The following CCDC13 variants were observed in gnomAD, a reference collection of about 807,000 sequenced individuals.
CCDC13 encodes the protein coiled-coil domain containing 13, also known as coiled-coil domain-containing protein 13.
CCDC13 carries 70 observed loss-of-function variants against 87.3 expected under a neutral mutation model. The observed-to-expected ratio is 0.80, with a 90% CI of 0.66 to 0.98. The LOEUF is 0.98. Ranked by LOEUF, CCDC13 falls within the 50% of genes least tolerant of loss-of-function variation. CCDC13 has a pLI of 0.00. For synonymous variants in CCDC13, 317 were observed against 360.3 expected, an observed-to-expected ratio of 0.88 and a Z score of 1.36; for missense variants, 842 against 892.0, an observed-to-expected ratio of 0.94 and a Z score of 0.71.
At chr3:42,754,988 T>A (rs1447851255) in intron 3 of CCDC13, among the ~76,000 whole-genome samples, 3 of 152,128 alleles carry the variant, frequency 2.0e-5, no homozygotes, top group Admixed American at 6.5e-5. Flanking sequence ...TTCTTTAAAA[T>A]ACATATAATA....
At chr3:42,713,534 A>G (rs1249350773) in intron 13 of CCDC13, among the ~76,000 whole-genome samples, 1 of 152,194 alleles carries the variant, frequency 6.6e-6, no homozygotes, top group Non-Finnish European at 1.5e-5. Context: ...CAGCCCCATC[A>G]TTCCCAATTC....
chr3:42,708,954 G>A lies in CCDC13; in HGVS notation c.*26C>T, dbSNP rs2240860. ...TCTCAAGACCTGAGGCTGCCCACCC[G>A]GCCAGGCCGACACTGGGCTGTCATC... On this transcript the variant is annotated 3_prime_UTR_variant, in exon 16 of 16. Transcript: ENST00000310232. 0.2 allele frequency: 316,196 copies of A among 1,594,660 alleles called. 32,885 individuals carry two copies. The highest frequency in any genetic ancestry group is 0.31 in the East Asian group (13,986 of 44,470).
intron 1 of CCDC13, among the ~76,000 whole-genome samples, chr3:42,759,611 T>C (rs780207660): frequency 6.6e-5 from 10 of 152,224 alleles, no homozygotes; most frequent in East Asian, 3.9e-4. Flanking sequence ...ATCAATGTCA[T>C]TGCACACATT....
At chr3:42,721,898 G>A (rs1261647685) in intron 13 of CCDC13, among the ~76,000 whole-genome samples, 1 of 152,170 alleles carries the variant, frequency 6.6e-6, no homozygotes, top group Non-Finnish European at 1.5e-5. Context: ...AAACACGAGG[G>A]ATGGGTCATG....
Position 42,735,694 on chromosome 3 carries a change from G to A in CCDC13, c.1371+13C>T, listed in dbSNP as rs749388057. The A allele has an allele frequency of 6.2e-7, 1 of 1,612,590 alleles. No homozygotes were observed. Among genetic ancestry groups the A allele is most frequent in the South Asian group, 1.1e-5 (1 of 91,060 alleles). ...TTGAAAATGGGTTTGGGCGCTGCCA[G>A]TGCCCTACTCACGTGCACATTGAGT... On this transcript the variant is annotated intron_variant, in intron 10 of 15. Transcript: ENST00000310232.
chr3:42,758,248 T>G lies in CCDC13; in HGVS notation c.98A>C (p.Lys33Thr), dbSNP rs1288101405. 1 of 1,613,898 alleles carries G rather than the reference T, an allele frequency of 6.2e-7. No individual in the cohort carries two copies. The highest frequency in any genetic ancestry group is 1.1e-5 in the South Asian group (1 of 91,074). Residue 33 changes from lysine (K) to threonine (T), a missense_variant, in exon 2 of 16, where the codon AAG (lysine) becomes ACG (threonine). Lys to Thr is a moderately conservative substitution (Grantham distance 78). Transcript: ENST00000310232. Reference protein sequence around the residue: ...HKRLQKQMEKKREKELSLKSR... With the variant: ...HKRLQKQMEKTREKELSLKSR... The stretch of plus-strand genomic sequence containing the variant: ...TTTGAGGCTCAGTTCTTTTTCCCTC[T>G]TTTTCTCCATCTGCTTCTGTAACCG...
intron 1 of CCDC13, among the ~76,000 whole-genome samples, chr3:42,769,437 C>G (rs1700006069): frequency 6.6e-6 from 1 of 152,198 alleles, no homozygotes; most frequent in South Asian, 2.1e-4. Flanking sequence ...TTTTTCAAAG[C>G]TAAACAGTCT....
intron 4 of CCDC13, among the ~76,000 whole-genome samples, chr3:42,752,291 T>C (rs1699604521): frequency 6.6e-6 from 1 of 152,182 alleles, no homozygotes; most frequent in Non-Finnish European, 1.5e-5. Context: ...GGTACACTTA[T>C]AATCTGTCTC....
rs930729359 is a variant in CCDC13 at position 42,708,401 on chromosome 3, C to G, written c.*579G>C. On this transcript the variant is annotated 3_prime_UTR_variant, in exon 16 of 16. Transcript: ENST00000310232. Reference sequence around the variant, plus strand: ...GGGAGCTGCAGTGATTATGAAAATACTTATTATTATTACAAGTCCAAGGGT... The same window carrying G: ...GGGAGCTGCAGTGATTATGAAAATAGTTATTATTATTACAAGTCCAAGGGT... 1 of 152,178 alleles carries G rather than the reference C, an allele frequency of 6.6e-6. No homozygotes were observed. Among genetic ancestry groups the G allele is most frequent in the African/African-American group, 2.4e-5 (1 of 41,414 alleles). 9.4% of individuals were successfully genotyped at this position (152,178 alleles called of 1,614,324 possible).
intron 13 of CCDC13, among the ~76,000 whole-genome samples, chr3:42,728,561 C>T (rs1302531390): frequency 6.6e-6 from 1 of 152,124 alleles, no homozygotes; most frequent in Non-Finnish European, 1.5e-5. Flanking sequence ...GGCCAATCAT[C>T]AGTTTTGAAA....
At chr3:42,757,984 A>G (rs1699740123) in intron 2 of CCDC13, 141 bp downstream of exon 2, 1 of 653,296 alleles carries the variant, frequency 1.5e-6, no homozygotes, top group African/African-American at 1.8e-5. Flanking sequence ...AACTTGTTAA[A>G]TGCAGCTATA....
intron 10 of CCDC13, among the ~76,000 whole-genome samples, chr3:42,734,430 G>A (rs1486530734): frequency 6.6e-6 from 1 of 152,162 alleles, no homozygotes; most frequent in Non-Finnish European, 1.5e-5. Context: ...GCCAGGATGG[G>A]GAGCAGGGTG....
intron 10 of CCDC13, among the ~76,000 whole-genome samples, chr3:42,735,356 T>C (rs1698972753): frequency 6.6e-6 from 1 of 152,244 alleles, no homozygotes; most frequent in African/African-American, 2.4e-5. Flanking sequence ...CTGAATGAAG[T>C]GTGGCTTTCC....
chr3:42,710,675 A>C (rs1326134300), intron 14 of CCDC13, among the ~76,000 whole-genome samples: 1 of 152,128 alleles, frequency 6.6e-6, no homozygotes, highest in Non-Finnish European at 1.5e-5. Context: ...TCTACTAAAA[A>C]TACATAAAAA....
At chr3:42,752,504 G>A in intron 4 of CCDC13, 71 bp downstream of exon 4, 3 of 1,579,042 alleles carry the variant, frequency 1.9e-6, no homozygotes, top group Admixed American at 1.8e-5. Context: ...TACATATGGA[G>A]AAGCTAGGGA....
In CCDC13 at chr3:42,773,171, C is replaced by G. The variant is rs1700180392; in HGVS notation, c.-7+5G>C. 1 of 152,262 alleles carries G rather than the reference C, an allele frequency of 6.6e-6. No homozygotes were observed. Among genetic ancestry groups the G allele is most frequent in the Non-Finnish European group, 1.5e-5 (1 of 68,078 alleles). The allele number at this position is 152,262 out of a possible 1,614,324, so 9.4% of individuals were successfully genotyped here. ...CCGGGCCCTTCCGCTCTCCCCGGCA[C>G]TTACAGCGGTCTCTCTCCACTTCTC... On this transcript the variant is annotated splice_donor_5th_base_variant and intron_variant, in intron 1 of 15. Coordinates refer to ENST00000310232, the MANE Select transcript of CCDC13 (RefSeq NM_144719.4).
intron 8 of CCDC13, among the ~76,000 whole-genome samples, chr3:42,741,861 A>G (rs905972847): frequency 4.6e-5 from 7 of 152,184 alleles, no homozygotes; most frequent in Non-Finnish European, 7.3e-5. Context: ...CCCTCCTCAC[A>G]GCTGATGGTC....
chr3:42,733,776 A>G, intron 10 of CCDC13, 167 bp from the exon 11 acceptor site: 1 of 312,070 alleles, frequency 3.2e-6, no homozygotes, highest in Non-Finnish European at 4.7e-6. Context: ...TTGCATGATA[A>G]TGACATCTAA....
chr3:42,731,397 G>A (rs2125882209), intron 12 of CCDC13, among the ~76,000 whole-genome samples: 1 of 151,836 alleles, frequency 6.6e-6, no homozygotes, highest in South Asian at 2.1e-4. Flanking sequence ...AACATTGAGA[G>A]GGGTGGTTTA....
Sources: allele counts gnomAD v4.1 joint callset (sites outside exome capture counted in the v4.1 genomes callset), GRCh38; gene constraint gnomAD v4.1.1; transcripts MANE v1.5; gene names NCBI Gene and HGNC (gene_info 2026-07-23, HGNC 2026-07-21).